The following PSMA7 variants were observed in gnomAD, a reference collection of about 807,000 sequenced individuals.
PSMA7 encodes the protein proteasome 20S subunit alpha 7.
A neutral mutation model predicts 31.3 loss-of-function variants in PSMA7; 5 were observed. That is an observed-to-expected ratio of 0.16 (90% CI 0.08 to 0.34). PSMA7 has a LOEUF of 0.34. Among genes scored for constraint, PSMA7 ranks in the 10% least tolerant of loss-of-function variants. The pLI, the probability that PSMA7 is intolerant of heterozygous loss-of-function variation, is 1.00. For synonymous variants in PSMA7, 155 were observed against 121.9 expected, an observed-to-expected ratio of 1.27 and a Z score of -1.79; for missense variants, 217 against 327.5, an observed-to-expected ratio of 0.66 and a Z score of 2.60.
chr20:62,139,335 T>C (rs1051717558), intron 3 of PSMA7, 138 bp from the exon 4 acceptor site: 57 of 1,086,046 alleles, frequency 5.2e-5, no homozygotes, highest in Non-Finnish European at 6.9e-5. Flanking sequence ...AAATGATACA[T>C]TAGCCAATAG....
Position 62,138,193 on chromosome 20 carries a change from A to T in PSMA7, c.569T>A (p.Leu190Gln). ...AIETDDLTIK[L>Q]VIKALLEVVQ... is the part of the protein sequence containing the mutation. ...TACTTCCAGGAGTGCCTTGATCACC[A>T]GCTTAATGGTCAGATCATCTGTTTC... Residue 190 changes from leucine (L) to glutamine (Q), a missense_variant, in exon 5 of 7, where the codon CTG becomes CAG. Around this residue, in one of 3 missense-constraint regions of PSMA7, gnomAD observed 88 missense variants for 111.6 expected, o/e 0.79. Transcript: ENST00000370873. The T allele has an allele frequency of 1.2e-6, 2 of 1,614,230 alleles. No individual in the cohort carries two copies. Among genetic ancestry groups the T allele is most frequent in the Non-Finnish European group, 1.7e-6 (2 of 1,180,024 alleles).
intron 5 of PSMA7, 73 bp from the exon 6 acceptor site, chr20:62,137,499 T>C (rs1307414775): frequency 1.4e-6 from 2 of 1,426,700 alleles, no homozygotes; most frequent in South Asian, 2.3e-5. Context: ...CAGGAGTACC[T>C]TAAATAGGTG....
chr20:62,137,271 G>T, intron 6 of PSMA7, 93 bp downstream of exon 6: 2 of 1,256,232 alleles, frequency 1.6e-6, no homozygotes, highest in Non-Finnish European at 2.3e-6. Context: ...CCACAGAATG[G>T]CCCTATGATG....
chr20:62,139,725 C>T (rs573088166), intron 3 of PSMA7, 56 bp downstream of exon 3: 144 of 1,613,440 alleles, frequency 8.9e-5, no homozygotes, highest in South Asian at 2.5e-4. Context: ...CCCTCCATGG[C>T]GGAGCCGTGA....
Position 62,136,916 on chromosome 20 carries a change from C to T in PSMA7, c.688G>A (p.Ala230Thr). 6.2e-7 allele frequency: 1 copy of T among 1,601,908 alleles called. No individual in the cohort carries two copies. Among genetic ancestry groups the T allele is most frequent in the Non-Finnish European group, 8.5e-7 (1 of 1,176,068 alleles). ...TCTTCTTTTTCTTTTTCAATTTCAG[C>T]AACATACTTCTCAATTTCTTCAGGA... is the stretch of plus-strand genomic sequence containing the variant. The part of the protein sequence containing the change: ...LNPEEIEKYV[A>T]EIEKEKEENE... Residue 230 changes from alanine to threonine, a missense_variant, in exon 7 of 7, where the codon GCT becomes ACT. By Grantham distance (58) the Ala-to-Thr change is moderately conservative. Coordinates refer to ENST00000370873, the MANE Select transcript of PSMA7 (RefSeq NM_002792.4).
intron 2 of PSMA7, among the ~76,000 whole-genome samples, chr20:62,140,434 G>C (rs1162111315): frequency 6.6e-6 from 1 of 152,246 alleles, no homozygotes; most frequent in Admixed American, 6.5e-5. Flanking sequence ...GGCATGGCCT[G>C]CATCCACCAG....
chr20:62,138,778 G>A (rs537785116), intron 4 of PSMA7, among the ~76,000 whole-genome samples: 14 of 152,104 alleles, frequency 9.2e-5, no homozygotes, highest in African/African-American at 3.4e-4. Context: ...GGCTGGTCTC[G>A]AACACCTGAC....
At chr20:62,142,077 A>C (rs2056932506) in intron 1 of PSMA7, among the ~76,000 whole-genome samples, 1 of 152,174 alleles carries the variant, frequency 6.6e-6, no homozygotes. Flanking sequence ...CCACTGGAAA[A>C]GTCTCCACAC....
At chr20:62,139,534 G>C in intron 3 of PSMA7, 2 of 751,608 alleles carry the variant, frequency 2.7e-6, no homozygotes, top group South Asian at 1.8e-5. Context: ...AGGATGGCAA[G>C]ACAAAAGCTA....
At position 62,139,057 on chromosome 20, in the gene PSMA7, C is replaced by T; in HGVS notation, c.471+18G>A. 6.2e-7 allele frequency: 1 copy of T among 1,612,722 alleles called. No homozygotes were observed. The highest frequency in any genetic ancestry group is 8.5e-7 in the Non-Finnish European group (1 of 1,179,088). On this transcript the variant is annotated intron_variant, in intron 4 of 6. Coordinates refer to ENST00000370873, the MANE Select transcript of PSMA7 (RefSeq NM_002792.4). ...TTTTCTGGCAAGACTGTCCAAAGCC[C>T]CTTTGTCACGAACTCACCTTCCAGG...
chr20:62,137,387 T>G lies in PSMA7; in HGVS notation c.631A>C (p.Met211Leu). Residue 211 changes from methionine (M) to leucine (L), a missense_variant, in exon 6 of 7, where the codon ATG becomes CTG. Physicochemically the swap from Met to Leu is conservative, Grantham distance 15. Transcript: ENST00000370873. The stretch of plus-strand genomic sequence containing the variant: ...ACCTTGAGGGATTGATCTCGCCTCA[T>G]GACAGCAAGTTCAATGTTTTTGCCA... Reference protein sequence around the residue: ...SGGKNIELAVMRRDQSLKILN... With the variant: ...SGGKNIELAVLRRDQSLKILN... 1 of 1,614,170 alleles carries G rather than the reference T, an allele frequency of 6.2e-7. No homozygotes were observed. The highest frequency in any genetic ancestry group is 8.5e-7 in the Non-Finnish European group (1 of 1,180,020).
intron 1 of PSMA7, among the ~76,000 whole-genome samples, chr20:62,142,075 A>G (rs2056932482): frequency 6.6e-6 from 1 of 152,196 alleles, no homozygotes; most frequent in African/African-American, 2.4e-5. Context: ...TACCACTGGA[A>G]AAGTCTCCAC....
In PSMA7 at chr20:62,136,851, T is replaced by C; in HGVS notation, c.*6A>G. Reference sequence around the variant, plus strand: ...TTAAAAATTACAAGCAAAGACATTTTATTCATCATGATGCTTTCTTTTGTT... The same window carrying C: ...TTAAAAATTACAAGCAAAGACATTTCATTCATCATGATGCTTTCTTTTGTT... On this transcript the variant is annotated 3_prime_UTR_variant, in exon 7 of 7. Transcript: ENST00000370873. 6.3e-7 allele frequency: 1 copy of C among 1,593,488 alleles called. No individual in the cohort carries two copies. The highest frequency in any genetic ancestry group is 2.2e-5 in the East Asian group (1 of 44,742).
chr20:62,143,273 A>G lies in PSMA7; in HGVS notation c.31T>C (p.Ser11Pro). 1 of 1,467,160 alleles carries G rather than the reference A, an allele frequency of 6.8e-7. No homozygotes were observed. Among genetic ancestry groups the G allele is most frequent in the Non-Finnish European group, 9.1e-7 (1 of 1,100,564 alleles). The allele number at this position is 1,467,160 out of a possible 1,614,324, so 90.9% of individuals were successfully genotyped here. A position where few individuals can be genotyped will look rare whatever the true frequency, so the allele number is the denominator to read the frequency against. Residue 11 changes from serine to proline, a missense_variant, in exon 1 of 7, where the codon TCG (serine) becomes CCG (proline). Ser to Pro is a moderately conservative substitution (Grantham distance 74). Coordinates refer to ENST00000370873, the MANE Select transcript of PSMA7 (RefSeq NM_002792.4). ...ACTTGGAAGAGGTGGCCGTCGGGCG[A>G]GAAGACGGTGATGGCGCGGTCGTAG... MSYDRAITVFSPDGHLFQVEY... is the reference protein window; with the variant it reads MSYDRAITVFPPDGHLFQVEY...
rs2056896522 is a variant in PSMA7, at chr20:62,136,817, G to A, written c.*40C>T. 6.3e-7 allele frequency: 1 copy of A among 1,577,446 alleles called. No individual in the cohort carries two copies. Among genetic ancestry groups the A allele is most frequent in the Non-Finnish European group, 8.6e-7 (1 of 1,166,178 alleles). On this transcript the variant is annotated 3_prime_UTR_variant, in exon 7 of 7. Coordinates refer to ENST00000370873, the MANE Select transcript of PSMA7 (RefSeq NM_002792.4). ...TACACATCGAGACTCATCCATGATT[G>A]ATATGAATTTAAAAATTACAAGCAA...
intron 2 of PSMA7, 35 bp downstream of exon 2, chr20:62,140,783 T>G (rs200861738): frequency 8.7e-6 from 14 of 1,611,126 alleles, no homozygotes; most frequent in Middle Eastern, 1.6e-4. Flanking sequence ...GCTGAGACTC[T>G]AGAGAGTAAG....
intron 1 of PSMA7, 71 bp downstream of exon 1, chr20:62,143,137 C>CGGCCCT: frequency 5.8e-6 from 6 of 1,030,886 alleles, no homozygotes; most frequent in Non-Finnish European, 7.1e-6. Context: ...CGCCCGGCCC[C>CGGCCCT]GGCCCTCTCT....
chr20:62,139,439 A>G (rs2056914114), intron 3 of PSMA7: 1 of 646,886 alleles, frequency 1.5e-6, no homozygotes, highest in South Asian at 2.0e-5. Flanking sequence ...TTTGACAGGT[A>G]GACACACATT....
rs2056906450 is a variant in PSMA7 at position 62,138,211 on chromosome 20, T to C, written c.551A>G (p.Asp184Gly). ...KNYTDEAIET[D>G]DLTIKLVIKA... ...GATCACCAGCTTAATGGTCAGATCA[T>C]CTGTTTCAATGGCTTCGTCAGTATA... The change falls in exon 5 of 7, where the codon GAT becomes GGT. Residue 184 changes from aspartate to glycine, a missense_variant. Transcript: ENST00000370873. 3 of 1,614,258 alleles carry C rather than the reference T, an allele frequency of 1.9e-6. No individual in the cohort carries two copies. The highest frequency in any genetic ancestry group is 2.5e-6 in the Non-Finnish European group (3 of 1,180,044).
Sources: allele counts gnomAD v4.1 joint callset (sites outside exome capture counted in the v4.1 genomes callset), GRCh38; gene constraint gnomAD v4.1.1; regional missense constraint gnomAD v4.1.1; transcripts MANE v1.5; gene names NCBI Gene and HGNC (gene_info 2026-07-23, HGNC 2026-07-21).